Variants in GPR137B observed in about 807,000 individuals in gnomAD.
GPR137B encodes integral membrane protein GPR137B.
GPR137B carries 42 observed loss-of-function variants against 42.5 expected under a neutral mutation model. The ratio of observed to expected loss-of-function variants is 0.99; its 90% CI spans 0.77 to 1.28. The LOEUF (loss-of-function observed/expected upper bound fraction) is 1.28, where lower values mean the gene tolerates loss of function less well. Ranked by LOEUF, GPR137B falls within the 50% of genes most tolerant of loss-of-function variation. The pLI, the probability that GPR137B is intolerant of heterozygous loss-of-function variation, is 0.00. For missense variants in GPR137B, 487 were observed against 493.9 expected, an observed-to-expected ratio of 0.99 and a Z score of 0.13; for synonymous variants, 218 against 209.7, an observed-to-expected ratio of 1.04 and a Z score of -0.34.
intron 5 of GPR137B, among the ~76,000 whole-genome samples, chr1:236,199,352 A>AT (rs1663430981): frequency 6.6e-6 from 1 of 151,344 alleles, no homozygotes; most frequent in African/African-American, 2.4e-5. Context: ...GGATAAACAT[A>AT]GTTTTGCTAT....
chr1:236,159,922 A>G (rs1389201796), intron 1 of GPR137B, among the ~76,000 whole-genome samples: 1 of 152,198 alleles, frequency 6.6e-6, no homozygotes, highest in Non-Finnish European at 1.5e-5. Flanking sequence ...GGGCTCTCGA[A>G]CATTCCCCAG....
At chr1:236,147,373 G>T (rs941848492) in intron 1 of GPR137B, among the ~76,000 whole-genome samples, 4 of 152,216 alleles carry the variant, frequency 2.6e-5, no homozygotes, top group African/African-American at 9.6e-5. Flanking sequence ...CTTCTTCCTA[G>T]CCCCATCTTT....
Position 236,155,115 on chromosome 1 carries a change from C to A in GPR137B, c.414+12079C>A, listed in dbSNP as rs185658179. Among the ~76,000 whole-genome samples the A allele has an allele frequency of 1.3e-5, 2 of 152,308 alleles. No individual in the cohort carries two copies. Among genetic ancestry groups the A allele is most frequent in the African/African-American group, 2.4e-5 (1 of 41,554 alleles). On this transcript the variant is annotated intron_variant, in intron 1 of 6. Transcript: ENST00000366592. The surrounding 1 kb of genome is among the most constrained non-coding windows in gnomAD (Gnocchi z 4.6). ...AGAATTATTTGCCTCCACCTCTGTG[C>A]GGAACTGATGCCGAGACGGACTCCA...
At chr1:236,143,322 G>C (rs751886854) in intron 1 of GPR137B, among the ~76,000 whole-genome samples, 1 of 152,272 alleles carries the variant, frequency 6.6e-6, no homozygotes, top group African/African-American at 2.4e-5. Context: ...GATTCGGGGC[G>C]CTTCTCCGTG....
intron 2 of GPR137B, among the ~76,000 whole-genome samples, chr1:236,172,556 A>G (rs1285649929): frequency 2.0e-5 from 3 of 152,132 alleles, no homozygotes; most frequent in Non-Finnish European, 4.4e-5. Flanking sequence ...TCTCTTTCTC[A>G]GTCTATGTAT....
chr1:236,145,076 T>A (rs1424578287), intron 1 of GPR137B, among the ~76,000 whole-genome samples: 1 of 152,220 alleles, frequency 6.6e-6, no homozygotes, highest in Non-Finnish European at 1.5e-5. Flanking sequence ...CAAAGGCTTT[T>A]CGCCTGAGGG....
chr1:236,165,862 C>T (rs1662338015), intron 1 of GPR137B, among the ~76,000 whole-genome samples: 1 of 152,156 alleles, frequency 6.6e-6, no homozygotes, highest in South Asian at 2.1e-4. Flanking sequence ...TACCAATTTC[C>T]AGTTCTGCTG....
chr1:236,146,744 A>T (rs79006299), intron 1 of GPR137B, among the ~76,000 whole-genome samples: 2,709 of 152,308 alleles, frequency 0.018, 78 homozygotes, highest in African/African-American at 0.061. Context: ...CACTGCTTTT[A>T]AATTCTGCCA....
rs1662539541 is a variant in GPR137B at position 236,171,603 on chromosome 1, G to A, written c.464+2848G>A. Among the ~76,000 whole-genome samples the A allele has an allele frequency of 6.6e-6, 1 of 152,204 alleles. No homozygotes were observed. Among genetic ancestry groups the A allele is most frequent in the South Asian group, 2.1e-4 (1 of 4,828 alleles). On this transcript the variant is annotated intron_variant, in intron 2 of 6. Transcript: ENST00000366592. The surrounding 1 kb of genome is among the most constrained non-coding windows in gnomAD (Gnocchi z 4.4). ...GGTCTTCGGGTGAGAAGATATGTGC[G>A]TGGGGCAGTCCTTGCTTGATCCTTG...
intron 1 of GPR137B, among the ~76,000 whole-genome samples, chr1:236,159,650 C>A (rs558330621): frequency 1.3e-5 from 2 of 151,882 alleles, no homozygotes; most frequent in African/African-American, 4.8e-5. Flanking sequence ...AATAGGCAAG[C>A]GGGAGTTCAA....
intron 6 of GPR137B, chr1:236,207,018 T>TC (rs1010968383): frequency 5.7e-6 from 2 of 350,138 alleles, no homozygotes; most frequent in African/African-American, 4.4e-5. Flanking sequence ...ACAACTTTTT[T>TC]CCCTCTGGGA....
At chr1:236,143,379 G>A (rs1661589867) in intron 1 of GPR137B, among the ~76,000 whole-genome samples, 1 of 152,260 alleles carries the variant, frequency 6.6e-6, no homozygotes, top group African/African-American at 2.4e-5. Context: ...AGTACGGATG[G>A]AAGGTGTGCC....
chr1:236,169,563 A>G (rs36087647), intron 2 of GPR137B, among the ~76,000 whole-genome samples: 21,783 of 152,214 alleles, frequency 0.14, 1,826 homozygotes, highest in South Asian at 0.24. Flanking sequence ...TGCCAAAAAC[A>G]TGGACACCGG....
intron 2 of GPR137B, among the ~76,000 whole-genome samples, chr1:236,177,342 A>C (rs1662717525): frequency 6.7e-6 from 1 of 149,210 alleles, no homozygotes; most frequent in Non-Finnish European, 1.5e-5. Flanking sequence ...TTCTCTCTCT[A>C]CCCCCTCCCT....
At chr1:236,184,509 C>A (rs1278293564) in intron 5 of GPR137B, among the ~76,000 whole-genome samples, 2 of 152,164 alleles carry the variant, frequency 1.3e-5, no homozygotes, top group African/African-American at 4.8e-5. Context: ...ATTCCAGCCA[C>A]ACAAACTAGT....
chr1:236,158,925 G>A (rs1662107520), intron 1 of GPR137B, among the ~76,000 whole-genome samples: 1 of 152,208 alleles, frequency 6.6e-6, no homozygotes, highest in Admixed American at 6.5e-5. Flanking sequence ...CAGAGACACT[G>A]CCTCCAGGGA....
At position 236,208,728 on chromosome 1, in the gene GPR137B, G is replaced by GTCTT. The variant is rs1264429747; in HGVS notation, c.*572_*575dup. On this transcript the variant is annotated 3_prime_UTR_variant, in exon 7 of 7. Coordinates refer to ENST00000366592, the MANE Select transcript of GPR137B (RefSeq NM_003272.4). ...AAATGGTAAAGCAGCAGACTGTAAG[G>GTCTT]TCTTTAGAGATTTTTTTTTTAAGGT... 4.1e-6 allele frequency: 4 copies of GTCTT among 984,344 alleles called. No homozygotes were observed. The East Asian group carries it at 4.6e-4, about 114-fold the overall frequency. 61.0% of individuals were successfully genotyped at this position (984,344 alleles called of 1,614,324 possible).
intron 5 of GPR137B, among the ~76,000 whole-genome samples, chr1:236,184,724 C>T (rs1405896955): frequency 1.3e-5 from 2 of 152,038 alleles, no homozygotes; most frequent in Non-Finnish European, 2.9e-5. Context: ...ACCAAGCATT[C>T]TGGTTCCAGA....
At chr1:236,197,736 T>C (rs1057156888) in intron 5 of GPR137B, among the ~76,000 whole-genome samples, 2 of 152,204 alleles carry the variant, frequency 1.3e-5, no homozygotes, top group Admixed American at 1.3e-4. Flanking sequence ...TTCTGTTCCA[T>C]TGGGGTACCT....
Sources: allele counts gnomAD v4.1 joint callset (sites outside exome capture counted in the v4.1 genomes callset), GRCh38; gene constraint gnomAD v4.1.1; non-coding constraint Gnocchi (gnomAD v3.1); transcripts MANE v1.5; gene names NCBI Gene and HGNC (gene_info 2026-07-23, HGNC 2026-07-21).